Variants in SLC38A11 observed in about 807,000 individuals in gnomAD.
SLC38A11 encodes putative sodium-coupled neutral amino acid transporter 11.
In SLC38A11, 51 loss-of-function variants were observed where a neutral mutation model predicts 49.4. The observed-to-expected ratio is 1.03, with a 90% CI of 0.83 to 1.30. The LOEUF (loss-of-function observed/expected upper bound fraction) is 1.30. SLC38A11 is among the 50% of genes most tolerant of loss of function. The probability of loss-of-function intolerance (pLI) is 0.00; values close to 1 mark genes in which losing one functional copy is unlikely to be tolerated. For synonymous variants in SLC38A11, 203 were observed against 192.9 expected (o/e 1.05, Z -0.43); for missense variants, 574 against 556.2 (o/e 1.03, Z -0.32).
At chr2:164,923,676 A>T (rs895987995) in intron 7 of SLC38A11, among the ~76,000 whole-genome samples, 1 of 152,128 alleles carries the variant, frequency 6.6e-6, no homozygotes, top group Non-Finnish European at 1.5e-5. Context: ...GCACACCTGT[A>T]GTCCCAGTTA....
intron 11 of SLC38A11, chr2:164,907,832 A>G (rs1156882953): frequency 6.6e-6 from 1 of 152,226 alleles, no homozygotes; most frequent in Non-Finnish European, 1.5e-5. Flanking sequence ...GAAAGAATTG[A>G]TATGGCTTAT....
At chr2:164,947,329 G>A (rs998406980) in intron 3 of SLC38A11, among the ~76,000 whole-genome samples, 2 of 151,526 alleles carry the variant, frequency 1.3e-5, no homozygotes, top group Admixed American at 1.3e-4. Context: ...ACGGGGTTTT[G>A]CCACGTTGGC....
At chr2:164,950,470 A>G (rs1688446925) in intron 3 of SLC38A11, among the ~76,000 whole-genome samples, 3 of 152,204 alleles carry the variant, frequency 2.0e-5, no homozygotes, top group Non-Finnish European at 4.4e-5. Flanking sequence ...TGCTTATAAA[A>G]TACAGGCTAC....
intron 7 of SLC38A11, among the ~76,000 whole-genome samples, chr2:164,933,124 C>G (rs1170730172): frequency 6.6e-6 from 1 of 151,884 alleles, no homozygotes; most frequent in Non-Finnish European, 1.5e-5. Context: ...GAATACCACA[C>G]GATTAAAATG....
intron 10 of SLC38A11, 126 bp from the exon 11 acceptor site, chr2:164,908,897 A>C: frequency 9.4e-7 from 1 of 1,059,492 alleles, no homozygotes; most frequent in Non-Finnish European, 1.3e-6. Flanking sequence ...ATCAAATCTT[A>C]AGTCACTAGG....
intron 7 of SLC38A11, among the ~76,000 whole-genome samples, chr2:164,937,100 T>C (rs1432651165): frequency 1.3e-5 from 2 of 152,168 alleles, no homozygotes; most frequent in South Asian, 4.1e-4. Context: ...TAATTCTAAT[T>C]CTTTCTTACT....
intron 7 of SLC38A11, among the ~76,000 whole-genome samples, chr2:164,921,504 T>A (rs1686202664): frequency 6.6e-6 from 1 of 151,704 alleles, no homozygotes; most frequent in East Asian, 1.9e-4. Context: ...TAATTTTTTT[T>A]TTTTTTGTAG....
chr2:164,899,960 G>A (rs1338282068), intron 11 of SLC38A11, among the ~76,000 whole-genome samples: 1 of 151,698 alleles, frequency 6.6e-6, no homozygotes, highest in Non-Finnish European at 1.5e-5. Context: ...TTTGTTTCCT[G>A]CCCCTGGTAA....
chr2:164,902,408 TA>T (rs769393724), intron 11 of SLC38A11, among the ~76,000 whole-genome samples: 7 of 152,152 alleles, frequency 4.6e-5, no homozygotes, highest in Non-Finnish European at 1.0e-4. Flanking sequence ...TTTTAATATA[TA>T]AAATCAGTAA....
At chr2:164,914,793 T>C (rs1441974522) in intron 9 of SLC38A11, among the ~76,000 whole-genome samples, 2 of 151,946 alleles carry the variant, frequency 1.3e-5, no homozygotes, top group African/African-American at 2.4e-5. Flanking sequence ...AGAATCCAAA[T>C]CGAAGCTATT....
intron 3 of SLC38A11, among the ~76,000 whole-genome samples, chr2:164,951,831 C>T (rs1360195498): frequency 6.6e-6 from 1 of 152,162 alleles, no homozygotes; most frequent in Non-Finnish European, 1.5e-5. Context: ...CTGTACCACA[C>T]ATTGGTCCCC....
chr2:164,904,738 TA>T (rs1684881334), intron 11 of SLC38A11, among the ~76,000 whole-genome samples: 3 of 152,196 alleles, frequency 2.0e-5, no homozygotes, highest in Admixed American at 2.0e-4. Flanking sequence ...TGGTATGTTT[TA>T]ACCCATTATT....
chr2:164,953,350 G>A (rs1461757278), intron 2 of SLC38A11: 2 of 152,128 alleles, frequency 1.3e-5, no homozygotes, highest in South Asian at 2.1e-4. Flanking sequence ...TTAGATTATG[G>A]ACAATAAAAT....
intron 3 of SLC38A11, among the ~76,000 whole-genome samples, chr2:164,946,835 C>T (rs1432841040): frequency 6.6e-6 from 1 of 152,132 alleles, no homozygotes; most frequent in East Asian, 1.9e-4. Context: ...TGGTTTCCCC[C>T]TGATTCCCAT....
rs1349296166 is a variant in SLC38A11, at chr2:164,955,280, G to A, written c.-33C>T. ...CGGTGGTCCTCAGCAGGTGGAAGAT[G>A]CTGGGGCTGGGTACGGATTCGCACC... On this transcript the variant is annotated 5_prime_UTR_variant, in exon 1 of 12. Transcript: ENST00000685975. 6.5e-7 allele frequency: 1 copy of A among 1,548,624 alleles called. No homozygotes were observed.
Position 164,955,329 on chromosome 2 carries a change from G to T in SLC38A11, c.-82C>A, listed in dbSNP as rs1688777627. The T allele has an allele frequency of 3.0e-6, 4 of 1,337,876 alleles. No homozygotes were observed. Among genetic ancestry groups the T allele is most frequent in the South Asian group, 1.3e-5 (1 of 79,648 alleles). The allele number at this position is 1,337,876 out of a possible 1,614,324, so 82.9% of individuals were successfully genotyped here. ...CCCGGCCAGCCTCCTCCGCCACCTC[G>T]CACACAGCCGAGGTCCGCGTGTAGC... On this transcript the variant is annotated 5_prime_UTR_variant, in exon 1 of 12. Coordinates refer to ENST00000685975, the MANE Select transcript of SLC38A11 (RefSeq NM_001351537.2).
intron 5 of SLC38A11, among the ~76,000 whole-genome samples, chr2:164,941,775 A>G (rs946840457): frequency 1.6e-4 from 25 of 152,182 alleles, no homozygotes; most frequent in African/African-American, 5.8e-4. Context: ...ACTGTACAGA[A>G]TACTGAACTT....
intron 11 of SLC38A11, among the ~76,000 whole-genome samples, chr2:164,900,223 T>C (rs12466735): frequency 0.95 from 143,794 of 152,086 alleles, 68,500 homozygotes; most frequent in East Asian, 1. Context: ...AGGTTGTTTC[T>C]ATCTCTTCAC....
chr2:164,936,605 T>C (rs1236797232), intron 7 of SLC38A11, among the ~76,000 whole-genome samples: 1 of 152,210 alleles, frequency 6.6e-6, no homozygotes, highest in Non-Finnish European at 1.5e-5. Flanking sequence ...TAATATTTAT[T>C]GTGAATTGTG....
Sources: gnomAD v4.1 joint callset for allele counts (sites outside exome capture counted in the v4.1 genomes callset) on GRCh38, gnomAD v4.1.1 for gene constraint, MANE v1.5 for transcripts, NCBI Gene and HGNC (gene_info 2026-07-23, HGNC 2026-07-21) for gene names.